The following ACVR1B variants were observed in gnomAD, a reference collection of about 807,000 sequenced individuals.
ACVR1B encodes activin receptor type-1B.
A neutral mutation model predicts 55.6 loss-of-function variants in ACVR1B; 15 were observed. The observed-to-expected ratio is 0.27, with a 90% CI of 0.18 to 0.42. ACVR1B has a LOEUF of 0.42. ACVR1B is among the 10% of genes least tolerant of loss of function. ACVR1B has a pLI of 1.00. For missense variants in ACVR1B, 359 were observed against 670.1 expected, an observed-to-expected ratio of 0.54 and a Z score of 5.13; for synonymous variants, 247 against 254.6, an observed-to-expected ratio of 0.97 and a Z score of 0.28.
chr12:51,963,323 C>A (rs1372350710), intron 1 of ACVR1B, among the ~76,000 whole-genome samples: 2 of 152,162 alleles, frequency 1.3e-5, no homozygotes, highest in African/African-American at 4.8e-5. Flanking sequence ...CGGCTCATTG[C>A]AACCTCTGCC....
chr12:51,990,000 A>G (rs531872065), intron 7 of ACVR1B, among the ~76,000 whole-genome samples: 2 of 151,864 alleles, frequency 1.3e-5, no homozygotes, highest in African/African-American at 4.8e-5. Context: ...GGAAAAAAAA[A>G]TGAACATTAG....
chr12:51,972,475 C>T (rs141316975), intron 1 of ACVR1B, among the ~76,000 whole-genome samples: 1 of 152,146 alleles, frequency 6.6e-6, no homozygotes, highest in African/African-American at 2.4e-5. Context: ...GGTTTCTAGC[C>T]TAGGAGCAAG....
At chr12:51,993,863 G>C in intron 8 of ACVR1B, 122 bp from the exon 9 acceptor site, 1 of 1,276,166 alleles carries the variant, frequency 7.8e-7, no homozygotes, top group Non-Finnish European at 1.1e-6. Context: ...CGGCCGCCGG[G>C]TGGATGTGGA....
chr12:51,990,962 G>T (rs966498119), intron 7 of ACVR1B, among the ~76,000 whole-genome samples: 7 of 152,182 alleles, frequency 4.6e-5, no homozygotes, highest in African/African-American at 1.7e-4. Flanking sequence ...CTTCACAGGG[G>T]TTCCTCTGTC....
At chr12:51,961,471 C>G (rs755791150) in intron 1 of ACVR1B, among the ~76,000 whole-genome samples, 2 of 152,104 alleles carry the variant, frequency 1.3e-5, no homozygotes, top group African/African-American at 4.8e-5. Flanking sequence ...CTCTTTCTAC[C>G]TCACCTCTTT....
At chr12:51,987,198 C>T in intron 7 of ACVR1B, 1 of 682,258 alleles carries the variant, frequency 1.5e-6, no homozygotes, top group Non-Finnish European at 2.7e-6. Flanking sequence ...TATAAACAAA[C>T]AAACATTGTT....
chr12:51,973,176 C>T (rs1174943379), intron 1 of ACVR1B, among the ~76,000 whole-genome samples: 9 of 152,208 alleles, frequency 5.9e-5, no homozygotes, highest in African/African-American at 2.2e-4. Flanking sequence ...AGCAGAGGCT[C>T]CTGACTATTC....
intron 7 of ACVR1B, among the ~76,000 whole-genome samples, chr12:51,990,708 G>A (rs546158874): frequency 1.3e-5 from 2 of 152,230 alleles, no homozygotes; most frequent in South Asian, 4.1e-4. Context: ...GTTCCAATAA[G>A]TTTTATCCCC....
chr12:51,959,441 T>C (rs1444959367), intron 1 of ACVR1B, among the ~76,000 whole-genome samples: 1 of 152,194 alleles, frequency 6.6e-6, no homozygotes, highest in East Asian at 1.9e-4. Context: ...AGGAGGAACA[T>C]GGGGACCTCA....
At chr12:51,988,851 G>T (rs1942131873) in intron 7 of ACVR1B, among the ~76,000 whole-genome samples, 1 of 152,136 alleles carries the variant, frequency 6.6e-6, no homozygotes, top group South Asian at 2.1e-4. Flanking sequence ...TGGGCACTGT[G>T]TCACACCTGT....
chr12:51,984,287 G>A, intron 5 of ACVR1B, 121 bp downstream of exon 5: 23 of 1,198,292 alleles, frequency 1.9e-5, no homozygotes, highest in Non-Finnish European at 2.7e-5. Context: ...AGGAACTCTA[G>A]TTTAATTTAA....
intron 3 of ACVR1B, among the ~76,000 whole-genome samples, chr12:51,977,378 A>C (rs1192805969): frequency 1.3e-5 from 2 of 151,960 alleles, no homozygotes; most frequent in African/African-American, 4.8e-5. Context: ...GCTCTCTGAA[A>C]CCTCCACCTG....
chr12:51,961,171 C>T (rs1941516670), intron 1 of ACVR1B, among the ~76,000 whole-genome samples: 1 of 152,182 alleles, frequency 6.6e-6, no homozygotes, highest in Non-Finnish European at 1.5e-5. Flanking sequence ...GTTGGAGTTG[C>T]ACTGTTTATA....
Position 51,986,036 on chromosome 12 carries a change from G to A in ACVR1B, c.1136+688G>A, listed in dbSNP as rs550320146. ...ACTACTCAGAGTCATTAAGGGTGCC[G>A]CTGACCACCTCTAGAATTAATTTTG... On this transcript the variant is annotated intron_variant, in intron 6 of 8. Coordinates refer to ENST00000257963, the MANE Select transcript of ACVR1B (RefSeq NM_004302.5). Among the ~76,000 whole-genome samples, 15 of 152,210 alleles carry A rather than the reference G, an allele frequency of 9.9e-5. No homozygotes were observed. The South Asian group carries it at 1.9e-3, about 19-fold the overall frequency.
At chr12:51,956,240 C>G (rs2120426854) in intron 1 of ACVR1B, among the ~76,000 whole-genome samples, 2 of 152,290 alleles carry the variant, frequency 1.3e-5, no homozygotes, top group South Asian at 4.1e-4. Flanking sequence ...CTGCATTTGT[C>G]TCCCTAAATA....
intron 1 of ACVR1B, among the ~76,000 whole-genome samples, chr12:51,963,306 A>G (rs1234422523): frequency 6.6e-6 from 1 of 152,010 alleles, no homozygotes; most frequent in Non-Finnish European, 1.5e-5. Flanking sequence ...GTGCCATAGC[A>G]TGATCTCGGC....
intron 8 of ACVR1B, among the ~76,000 whole-genome samples, chr12:51,992,663 G>A (rs1216645542): frequency 6.6e-6 from 1 of 152,214 alleles, no homozygotes; most frequent in Non-Finnish European, 1.5e-5. Context: ...GTGTCCATAA[G>A]AGAAGCCCTG....
At chr12:51,979,427 AT>A (rs1941935284) in intron 3 of ACVR1B, among the ~76,000 whole-genome samples, 4 of 140,568 alleles carry the variant, frequency 2.8e-5, no homozygotes, top group Middle Eastern at 8.4e-3. Flanking sequence ...AAATCATACC[AT>A]TGCATTCCAG....
At chr12:51,993,461 C>T (rs1020900210) in intron 8 of ACVR1B, among the ~76,000 whole-genome samples, 6 of 152,146 alleles carry the variant, frequency 3.9e-5, no homozygotes, top group South Asian at 2.1e-4. Flanking sequence ...CTTGTGTAAG[C>T]TGTCCCTTAA....
Sources: gnomAD v4.1 joint callset for allele counts (sites outside exome capture counted in the v4.1 genomes callset) on GRCh38, gnomAD v4.1.1 for gene constraint, MANE v1.5 for transcripts, NCBI Gene and HGNC (gene_info 2026-07-23, HGNC 2026-07-21) for gene names.